ADAMTS13: variants seen among roughly 807,000 people sequenced by gnomAD.
ADAMTS13 encodes A disintegrin and metalloproteinase with thrombospondin motifs 13.
ADAMTS13 carries 110 observed loss-of-function variants against 155.1 expected under a neutral mutation model. That is an observed-to-expected ratio of 0.71 (90% CI 0.61 to 0.83). The LOEUF (loss-of-function observed/expected upper bound fraction) is 0.83, where lower values mean the gene tolerates loss of function less well. Ranked by LOEUF, ADAMTS13 falls within the 40% of genes least tolerant of loss-of-function variation. The pLI is 0.00. For synonymous variants in ADAMTS13, 758 were observed against 756.4 expected (o/e 1.00, Z -0.03); for missense variants, 1,707 against 1,891.7 (o/e 0.90, Z 1.81).
At chr9:133,454,704 C>T (rs959621876) in intron 24 of ADAMTS13, 85 bp downstream of exon 24, 1 of 1,460,334 alleles carries the variant, frequency 6.8e-7, no homozygotes, top group Non-Finnish European at 9.2e-7. Context: ...GTCTAGGAGG[C>T]ATTGGCTCAT....
At chr9:133,430,544 C>T (rs890785559) in intron 8 of ADAMTS13, among the ~76,000 whole-genome samples, 3 of 152,280 alleles carry the variant, frequency 2.0e-5, no homozygotes, top group African/African-American at 4.8e-5. Context: ...CAGACTTCCT[C>T]GCAGGATTGC....
intron 21 of ADAMTS13, among the ~76,000 whole-genome samples, chr9:133,446,429 A>G (rs1842069930): frequency 6.6e-6 from 1 of 152,218 alleles, no homozygotes; most frequent in Admixed American, 6.5e-5. Context: ...GTGGAATCAT[A>G]TAGCATTTGC....
intron 25 of ADAMTS13, chr9:133,455,673 G>A: frequency 6.4e-7 from 1 of 1,569,000 alleles, no homozygotes; most frequent in Non-Finnish European, 8.7e-7. Context: ...CTTCCTCTGG[G>A]AAGGACTGGC....
chr9:133,415,096 T>A, intron 1 of ADAMTS13: 1 of 937,648 alleles, frequency 1.1e-6, no homozygotes, highest in Non-Finnish European at 1.6e-6. Context: ...TGTATGTATA[T>A]ACACACATAT....
At chr9:133,431,632 AT>A (rs1466600202) in intron 8 of ADAMTS13, among the ~76,000 whole-genome samples, 1 of 145,622 alleles carries the variant, frequency 6.9e-6, no homozygotes, top group Non-Finnish European at 1.5e-5. Flanking sequence ...AGCCTAGTTC[AT>A]TTTTTTCTTC....
upstream of ADAMTS13, chr9:133,417,949 A>C (rs1564401434): frequency 1.9e-6 from 2 of 1,078,452 alleles, no homozygotes; most frequent in Admixed American, 2.8e-5. Context: ...GCCGAAACAC[A>C]CCCACCGCAG....
At chr9:133,454,049 C>T (rs375358538) in intron 23 of ADAMTS13, among the ~76,000 whole-genome samples, 1 of 152,132 alleles carries the variant, frequency 6.6e-6, no homozygotes, top group Non-Finnish European at 1.5e-5. Context: ...TCGGCCTTCC[C>T]TTGCAGAACG....
At chr9:133,454,976 G>A (rs1229308548) in intron 24 of ADAMTS13, among the ~76,000 whole-genome samples, 1 of 152,188 alleles carries the variant, frequency 6.6e-6, no homozygotes, top group Non-Finnish European at 1.5e-5. Context: ...ATGGTGTGGA[G>A]GGGGCATAGG....
rs1554783611 is a variant in ADAMTS13, at chr9:133,422,438, C to T, written c.-6C>T. ...CGCTCCACTCCTCGGGCTGGCTCTC[C>T]TGAGGATGCACCAGCGTCACCCCCG... On this transcript the variant is annotated 5_prime_UTR_variant, in exon 1 of 29. Transcript: ENST00000355699. The T allele has an allele frequency of 1.2e-6, 2 of 1,613,268 alleles. No individual in the cohort carries two copies. The highest frequency in any genetic ancestry group is 1.3e-5 in the African/African-American group (1 of 75,056).
chr9:133,426,106 G>T (rs1840262366), intron 5 of ADAMTS13, 44 bp downstream of exon 5: 1 of 1,613,874 alleles, frequency 6.2e-7, no homozygotes, highest in African/African-American at 1.3e-5. Context: ...AGCCTGGGAA[G>T]GCTGCTCCCT....
rs782380073 is a variant in ADAMTS13, at chr9:133,433,387, A to G, written c.1102A>G (p.Lys368Glu). Residue 368 changes from lysine (K) to glutamate (E), a missense_variant, in exon 10 of 29, where the codon AAG becomes GAG. Lys to Glu is a moderately conservative substitution (Grantham distance 56). Transcript: ENST00000355699. ...TECGVEKWCS[K>E]GRCRSLVELT... Reference sequence around the variant, plus strand: ...CATCCTTGCCTTGCAGTGGTGCTCCAAGGGTCGCTGCCGCTCCCTGGTGGA... The same window carrying G: ...CATCCTTGCCTTGCAGTGGTGCTCCGAGGGTCGCTGCCGCTCCCTGGTGGA... 6.2e-7 allele frequency: 1 copy of G among 1,612,836 alleles called. No homozygotes were observed. The highest frequency in any genetic ancestry group is 8.5e-7 in the Non-Finnish European group (1 of 1,179,906).
chr9:133,433,705 G>A lies in ADAMTS13; in HGVS notation c.1308+1G>A. Reference sequence around the variant, plus strand: ...CCAGGCCGAGATGTGCAACACTCAGGTAGGCCTGCTTCCTGGGGTAGGAGG... The same window carrying A: ...CCAGGCCGAGATGTGCAACACTCAGATAGGCCTGCTTCCTGGGGTAGGAGG... On this transcript the variant is annotated splice_donor_variant, in intron 11 of 28. Coordinates refer to ENST00000355699, the MANE Select transcript of ADAMTS13 (RefSeq NM_139027.6). LOFTEE classifies it high-confidence loss of function. The A allele has an allele frequency of 1.2e-6, 2 of 1,613,192 alleles. No individual in the cohort carries two copies. Among genetic ancestry groups the A allele is most frequent in the Non-Finnish European group, 1.7e-6 (2 of 1,179,982 alleles).
intron 2 of ADAMTS13, among the ~76,000 whole-genome samples, chr9:133,423,531 C>G (rs2130774108): frequency 6.6e-6 from 1 of 152,180 alleles, no homozygotes; most frequent in East Asian, 1.9e-4. Context: ...AAGATAGGTA[C>G]TGGCTCAGGC....
rs1840019690 is a variant in ADAMTS13 at position 133,422,528 on chromosome 9, G to A, written c.85G>A (p.Gly29Arg). 1.9e-6 allele frequency: 3 copies of A among 1,614,128 alleles called. No homozygotes were observed. Among genetic ancestry groups the A allele is most frequent in the Non-Finnish European group, 2.5e-6 (3 of 1,180,032 alleles). ...LACGFLLGCW[G>R]PSHFQQSCLQ... ...CTGTGGCTTTCTCCTGGGCTGCTGGGGACCCTCCCATTTCCAGCAGGTGGG... is the reference window on the plus strand; with the variant it reads ...CTGTGGCTTTCTCCTGGGCTGCTGGAGACCCTCCCATTTCCAGCAGGTGGG... The change falls in exon 1 of 29, where the codon GGA (glycine) becomes AGA (arginine). Residue 29 changes from glycine (G) to arginine (R), a missense_variant. Gly to Arg is a moderately radical substitution (Grantham distance 125). Transcript: ENST00000355699.
At chr9:133,444,227 C>T (rs1554791793) in intron 19 of ADAMTS13, among the ~76,000 whole-genome samples, 1 of 152,206 alleles carries the variant, frequency 6.6e-6, no homozygotes, top group African/African-American at 2.4e-5. Flanking sequence ...CCATTGGCCA[C>T]CCTTGAACCT....
chr9:133,449,980 G>A lies in ADAMTS13; in HGVS notation c.3044+15G>A. 1 of 1,584,194 alleles carries A rather than the reference G, an allele frequency of 6.3e-7. No individual in the cohort carries two copies. Among genetic ancestry groups the A allele is most frequent in the Non-Finnish European group, 8.6e-7 (1 of 1,168,396 alleles). ...TGCCCACCTAGGTGAGTCAGCCGGT[G>A]ATGGGAGGGGCAGCTCCTGGTGTGT... On this transcript the variant is annotated intron_variant, in intron 23 of 28. Transcript: ENST00000355699.
chr9:133,447,790 C>T (rs141535538), intron 21 of ADAMTS13, among the ~76,000 whole-genome samples: 1,540 of 151,450 alleles, frequency 0.01, 11 homozygotes, highest in Non-Finnish European at 0.014. Flanking sequence ...GAGGGGGTTT[C>T]GCCATGATGG....
At chr9:133,428,128 G>C (rs1356396624) in intron 6 of ADAMTS13, among the ~76,000 whole-genome samples, 2 of 151,922 alleles carry the variant, frequency 1.3e-5, no homozygotes, top group Non-Finnish European at 2.9e-5. Flanking sequence ...GGTAAAGCAA[G>C]CTCTGTTGTG....
intron 8 of ADAMTS13, among the ~76,000 whole-genome samples, chr9:133,431,899 C>T (rs1840795985): frequency 6.6e-6 from 1 of 152,354 alleles, no homozygotes; most frequent in Middle Eastern, 3.4e-3. Context: ...CGTGATTTGC[C>T]CGCCTCGGCC....
Sources: gnomAD v4.1 joint callset for allele counts (sites outside exome capture counted in the v4.1 genomes callset) on GRCh38, gnomAD v4.1.1 for gene constraint, MANE v1.5 for transcripts, NCBI Gene and HGNC (gene_info 2026-07-23, HGNC 2026-07-21) for gene names.